The following B4GALT5 variants were observed in gnomAD, a reference collection of about 807,000 sequenced individuals.
B4GALT5 encodes UDP-Gal:beta-GlcNAc beta-1,4-galactosyltransferase 5.
In B4GALT5, 11 loss-of-function variants were observed where a neutral mutation model predicts 45.0. That is an observed-to-expected ratio of 0.24 (90% CI 0.15 to 0.40). The LOEUF (loss-of-function observed/expected upper bound fraction) is 0.40. Among genes scored for constraint, B4GALT5 ranks in the 10% least tolerant of loss-of-function variants. The pLI is 1.00. For synonymous variants in B4GALT5, 185 were observed against 182.9 expected (o/e 1.01, Z -0.09); for missense variants, 337 against 500.2 (o/e 0.67, Z 3.11).
At chr20:49,649,836 T>C (rs1182433547) in intron 2 of B4GALT5, among the ~76,000 whole-genome samples, 2 of 152,194 alleles carry the variant, frequency 1.3e-5, no homozygotes, top group African/African-American at 4.8e-5. Flanking sequence ...GTGCCTGTGT[T>C]TGTGATACGC....
intron 1 of B4GALT5, among the ~76,000 whole-genome samples, chr20:49,708,024 G>T (rs1342495207): frequency 2.0e-5 from 3 of 146,400 alleles, no homozygotes; most frequent in African/African-American, 7.6e-5. Flanking sequence ...GAGGTCAGAA[G>T]TTTGAGACCA....
intron 1 of B4GALT5, among the ~76,000 whole-genome samples, chr20:49,698,177 G>A (rs1374447280): frequency 6.6e-6 from 1 of 152,072 alleles, no homozygotes; most frequent in Middle Eastern, 3.2e-3. Flanking sequence ...ACAAAAATTA[G>A]CCGGGCATGG....
chr20:49,664,421 T>TACACACACACACACAC (rs55990435), intron 1 of B4GALT5, among the ~76,000 whole-genome samples: 17 of 128,910 alleles, frequency 1.3e-4, no homozygotes, highest in East Asian at 4.7e-4. Context: ...GGTCTCCAAA[T>TACACACACACACACAC]ACACACACAC....
intron 6 of B4GALT5, 41 bp from the exon 7 acceptor site, chr20:49,639,841 G>C (rs373920524): frequency 9.3e-6 from 15 of 1,604,512 alleles, no homozygotes; most frequent in Non-Finnish European, 1.3e-5. Context: ...GTGTGTTACA[G>C]GGTAACTGTT....
At position 49,636,224 on chromosome 20, in the gene B4GALT5, C is replaced by T. The variant is rs1265801716; in HGVS notation, c.*88G>A. 3 of 1,476,814 alleles carry T rather than the reference C, an allele frequency of 2.0e-6. No individual in the cohort carries two copies. The highest frequency in any genetic ancestry group is 2.8e-6 in the Non-Finnish European group (3 of 1,078,194). The allele number at this position is 1,476,814 out of a possible 1,614,324, so 91.5% of individuals were successfully genotyped here. A position where few individuals can be genotyped will look rare whatever the true frequency, so the allele number is the denominator to read the frequency against. The stretch of plus-strand genomic sequence containing the variant: ...GAGACACAGTATTTCTGTTCTCTTG[C>T]TGTGTAGACCCTCCCCCCTCCAAAA... On this transcript the variant is annotated 3_prime_UTR_variant, in exon 9 of 9. Transcript: ENST00000371711.
chr20:49,672,064 C>CT (rs2085718315), intron 1 of B4GALT5, among the ~76,000 whole-genome samples: 1 of 152,202 alleles, frequency 6.6e-6, no homozygotes, highest in South Asian at 2.1e-4. Flanking sequence ...GCTTTAACTT[C>CT]ATCAAGCAAG....
At chr20:49,653,215 A>C (rs2085629306) in intron 2 of B4GALT5, among the ~76,000 whole-genome samples, 1 of 152,158 alleles carries the variant, frequency 6.6e-6, no homozygotes. Context: ...TGCTCCATTG[A>C]GTATTTTTTT....
At chr20:49,703,985 G>C (rs1170154926) in intron 1 of B4GALT5, among the ~76,000 whole-genome samples, 2 of 151,832 alleles carry the variant, frequency 1.3e-5, no homozygotes, top group African/African-American at 4.8e-5. Context: ...ACTTCCTTAG[G>C]TTGGCAATTC....
At chr20:49,675,233 CA>C (rs2085732530) in intron 1 of B4GALT5, among the ~76,000 whole-genome samples, 1 of 152,094 alleles carries the variant, frequency 6.6e-6, no homozygotes, top group Non-Finnish European at 1.5e-5. Flanking sequence ...TACTCTCAAA[CA>C]AAAGTCAATT....
intron 1 of B4GALT5, among the ~76,000 whole-genome samples, chr20:49,702,658 C>T (rs763136421): frequency 8.6e-5 from 13 of 151,652 alleles, no homozygotes; most frequent in African/African-American, 2.2e-4. Flanking sequence ...AGTTTGAGAC[C>T]GGCCTGGGCA....
At position 49,646,949 on chromosome 20, in the gene B4GALT5, C is replaced by A. The variant is rs1428129395; in HGVS notation, c.364+16G>T. 6 of 1,538,878 alleles carry A rather than the reference C, an allele frequency of 3.9e-6. No homozygotes were observed. The highest frequency in any genetic ancestry group is 5.4e-6 in the Non-Finnish European group (6 of 1,114,324). ...CATTTTAAAAGCAGAGGAAGACAGGCCAGAGCTGTACTCACTCATGGAAGG... is the reference window on the plus strand; with the variant it reads ...CATTTTAAAAGCAGAGGAAGACAGGACAGAGCTGTACTCACTCATGGAAGG... On this transcript the variant is annotated intron_variant, in intron 3 of 8. Coordinates refer to ENST00000371711, the MANE Select transcript of B4GALT5 (RefSeq NM_004776.4).
intron 1 of B4GALT5, among the ~76,000 whole-genome samples, chr20:49,698,779 T>TA (rs1475304864): frequency 6.6e-6 from 1 of 152,152 alleles, no homozygotes; most frequent in East Asian, 1.9e-4. Context: ...AAGGCACGGG[T>TA]AGTAGCCTAG....
chr20:49,644,408 A>G (rs952306752), intron 3 of B4GALT5, among the ~76,000 whole-genome samples: 1 of 152,116 alleles, frequency 6.6e-6, no homozygotes, highest in Non-Finnish European at 1.5e-5. Flanking sequence ...TTCTGAGAAG[A>G]AGGAGAAAAG....
At chr20:49,675,580 C>T (rs6125711) in intron 1 of B4GALT5, among the ~76,000 whole-genome samples, 17,980 of 152,122 alleles carry the variant, frequency 0.12, 1,289 homozygotes, top group East Asian at 0.22. Context: ...GCCCCAGAAC[C>T]TATTATGAGC....
chr20:49,644,763 A>G (rs2085592254), intron 3 of B4GALT5, among the ~76,000 whole-genome samples: 1 of 152,196 alleles, frequency 6.6e-6, no homozygotes, highest in Non-Finnish European at 1.5e-5. Flanking sequence ...AAGGCTTCCA[A>G]CACAACTTAC....
At chr20:49,667,359 C>G (rs2085695815) in intron 1 of B4GALT5, among the ~76,000 whole-genome samples, 1 of 151,732 alleles carries the variant, frequency 6.6e-6, no homozygotes, top group African/African-American at 2.4e-5. Context: ...TCACGCCATT[C>G]TCCTGCCTCA....
chr20:49,687,044 A>G (rs537206343), intron 1 of B4GALT5, among the ~76,000 whole-genome samples: 69 of 152,288 alleles, frequency 4.5e-4, no homozygotes, highest in African/African-American at 1.6e-3. Flanking sequence ...GTAGTTCTCA[A>G]TTAGGGGTGC....
In B4GALT5 at chr20:49,643,662, C is replaced by CG. The variant is rs1323630901; in HGVS notation, c.365-13dup. ...GTCTATTGGGCCCTCTGAACAGAGA[C>CG]GGGGAAAAGGGATTAAGAGGTCAGA... On this transcript the variant is annotated splice_polypyrimidine_tract_variant and intron_variant, in intron 3 of 8. Coordinates refer to ENST00000371711, the MANE Select transcript of B4GALT5 (RefSeq NM_004776.4). 2.0e-5 allele frequency: 33 copies of CG among 1,609,852 alleles called. No homozygotes were observed. Among genetic ancestry groups the CG allele is most frequent in the Non-Finnish European group, 2.8e-5 (33 of 1,177,314 alleles).
At chr20:49,713,512 G>T in intron 1 of B4GALT5, 64 bp downstream of exon 1, 1 of 1,499,216 alleles carries the variant, frequency 6.7e-7, no homozygotes, top group Non-Finnish European at 9.0e-7. Flanking sequence ...AGGGAGGGGC[G>T]GGGATTCCCC....
Sources: gnomAD v4.1 joint callset for allele counts (sites outside exome capture counted in the v4.1 genomes callset) on GRCh38, gnomAD v4.1.1 for gene constraint, MANE v1.5 for transcripts, NCBI Gene and HGNC (gene_info 2026-07-23, HGNC 2026-07-21) for gene names.